The following PIGQ variants were observed in gnomAD, a reference collection of about 807,000 sequenced individuals.
PIGQ encodes the protein phosphatidylinositol N-acetylglucosaminyltransferase subunit Q.
In PIGQ, 54 loss-of-function variants were observed where a neutral mutation model predicts 60.3. The ratio of observed to expected loss-of-function variants is 0.90; its 90% confidence interval spans 0.72 to 1.12. PIGQ has a LOEUF of 1.12. Among genes scored for constraint, PIGQ ranks in the 50% most tolerant of loss-of-function variants. The pLI, the probability that PIGQ is intolerant of heterozygous loss-of-function variation, is 0.00. For synonymous variants in PIGQ, 416 were observed against 363.7 expected, an observed-to-expected ratio of 1.14 and a Z score of -1.64; for missense variants, 799 against 793.5, an observed-to-expected ratio of 1.01 and a Z score of -0.08.
chr16:571,877 T>C (rs2035635124), intron 1 of PIGQ, among the ~76,000 whole-genome samples: 3 of 147,842 alleles, frequency 2.0e-5, no homozygotes, highest in Admixed American at 1.4e-4. Flanking sequence ...CCCATCTCCT[T>C]CGGTAGACAC....
rs755373844 is a variant in PIGQ at position 579,060 on chromosome 16, G to GTCCTGTAGGCTGTACTGCC, written c.1224-7_1235dup. 4 of 1,610,672 alleles carry GTCCTGTAGGCTGTACTGCC rather than the reference G, an allele frequency of 2.5e-6. No homozygotes were observed. In the South Asian group the frequency reaches 4.4e-5, roughly 18 times the overall value. On this transcript the variant is annotated splice_polypyrimidine_tract_variant and intron_variant, in intron 6 of 10. Transcript: ENST00000321878. ...GCGGGGCCGGGCCCGACAGCACTGC[G>GTCCTGTAGGCTGTACTGCC]TCCTGTAGGCTGTACTGCCTGAAGA...
intron 4 of PIGQ, chr16:576,588 C>T (rs908746805): frequency 8.0e-6 from 4 of 502,330 alleles, no homozygotes; most frequent in African/African-American, 7.7e-5. Context: ...GCCCTCCTGG[C>T]TCTCTGGGGC....
chr16:581,396 G>A, intron 9 of PIGQ: 2 of 1,095,910 alleles, frequency 1.8e-6, no homozygotes, highest in South Asian at 4.7e-5. Context: ...AGCACAGCCT[G>A]CGCCCGTCCC....
In PIGQ at chr16:580,899, G is replaced by T; in HGVS notation, c.1458G>T (p.Leu486=). 1 of 1,604,502 alleles carries T rather than the reference G, an allele frequency of 6.2e-7. No individual in the cohort carries two copies. The change falls in exon 9 of 11, where the codon CTG becomes CTT. Residue 486 remains leucine, a synonymous_variant. Coordinates refer to ENST00000321878, the MANE Select transcript of PIGQ (RefSeq NM_004204.5). Reference sequence around the variant, plus strand: ...TCGCCGTGCAGGGCCTGATCCATCTGCTCGTGGACCTCATCAACTCCCTGC... The same window carrying T: ...TCGCCGTGCAGGGCCTGATCCATCTTCTCGTGGACCTCATCAACTCCCTGC... ...LVVAVQGLIH[L]LVDLINSLPL... is the part of the protein sequence containing the mutation.
intron 10 of PIGQ, 189 bp from the exon 11 acceptor site, chr16:582,694 T>TC (rs2035832428): frequency 7.3e-6 from 5 of 684,162 alleles, no homozygotes; most frequent in Middle Eastern, 4.2e-4. Context: ...AGCTTCTGCC[T>TC]CCCCCCAGCG....
Position 574,046 on chromosome 16 carries a change from C to T in PIGQ, c.-9-20C>T. 3 of 1,544,850 alleles carry T rather than the reference C, an allele frequency of 1.9e-6. No homozygotes were observed. The highest frequency in any genetic ancestry group is 2.6e-6 in the Non-Finnish European group (3 of 1,137,906). ...GGGGCAGCAGCAGCTCTGAGCCGAG[C>T]CTCTCCTCTTCTCTTCCAGCCTCCC... On this transcript the variant is annotated intron_variant, in intron 1 of 10. Transcript: ENST00000321878.
chr16:574,266 C>CACCT lies in PIGQ; in HGVS notation c.193_196dup (p.Trp66TyrfsTer27). On this transcript the variant is annotated frameshift_variant, in exon 2 of 11. Transcript: ENST00000321878. LOFTEE classifies it high-confidence loss of function. ...GCCAGGTGGGCGTGGCCGTGCTGGG[C>CACCT]ACCTGGTGCCACTGCCGGCAGGAGC... The CACCT allele has an allele frequency of 6.2e-7, 1 of 1,607,802 alleles. No individual in the cohort carries two copies. The highest frequency in any genetic ancestry group is 2.2e-5 in the East Asian group (1 of 44,842).
At chr16:574,858 C>T in intron 2 of PIGQ, 95 bp downstream of exon 2, 1 of 1,018,546 alleles carries the variant, frequency 9.8e-7, no homozygotes, top group Non-Finnish European at 1.4e-6. Context: ...CCCAGATGCG[C>T]TCTTCCTGGG....
intron 9 of PIGQ, chr16:581,918 C>G (rs759585742): frequency 3.0e-5 from 11 of 370,394 alleles, no homozygotes; most frequent in Non-Finnish European, 5.7e-5. Flanking sequence ...CACACGCCAT[C>G]ACACCCGGCT....
chr16:574,146 G>A lies in PIGQ; in HGVS notation c.72G>A (p.Val24=). 1 of 1,612,210 alleles carries A rather than the reference G, an allele frequency of 6.2e-7. No homozygotes were observed. The highest frequency in any genetic ancestry group is 8.5e-7 in the Non-Finnish European group (1 of 1,179,732). Residue 24 remains valine (V), a synonymous_variant, in exon 2 of 11, where the codon GTG becomes GTA. Transcript: ENST00000321878. ...GCGGGCTGCTGGTGGGACGGTGGGT[G>A]CCGGAGCAGAGCAGCGCCGTGGTCC... ...TDSGLLVGRW[V]PEQSSAVVLA... is the part of the protein sequence containing the mutation.
intron 1 of PIGQ, 81 bp from the exon 2 acceptor site, chr16:573,985 A>G: frequency 1.0e-6 from 1 of 979,954 alleles, no homozygotes; most frequent in East Asian, 2.6e-5. Flanking sequence ...TGCACCTGTC[A>G]GGCCGTCTGT....
At chr16:581,213 A>T in intron 9 of PIGQ, 4 of 1,429,262 alleles carry the variant, frequency 2.8e-6, no homozygotes, top group Non-Finnish European at 3.7e-6. Flanking sequence ...AGAACCCTGG[A>T]GACCTGAGGC....
Position 583,731 on chromosome 16 carries a change from T to TCGTCCA in PIGQ, c.*699_*704dup, listed in dbSNP as rs749419587. Reference sequence around the variant, plus strand: ...CGCCCACTGACCCAGCCGTACCTATTCGTCCACGGTGCCCCGTAGCAGCAG... The same window carrying TCGTCCA: ...CGCCCACTGACCCAGCCGTACCTATTCGTCCACGTCCACGGTGCCCCGTAGCAGCAG... On this transcript the variant is annotated 3_prime_UTR_variant, in exon 11 of 11. Coordinates refer to ENST00000321878, the MANE Select transcript of PIGQ (RefSeq NM_004204.5). 4.3e-6 allele frequency: 6 copies of TCGTCCA among 1,381,212 alleles called. No individual in the cohort carries two copies. The Admixed American group carries it at 1.0e-4, about 23-fold the overall frequency. The allele number at this position is 1,381,212 out of a possible 1,614,324, so 85.6% of individuals were successfully genotyped here. A position where few individuals can be genotyped will look rare whatever the true frequency, so the allele number is the denominator to read the frequency against.
chr16:582,216 G>T (rs748149180), intron 9 of PIGQ, 32 bp from the exon 10 acceptor site: 1 of 1,486,462 alleles, frequency 6.7e-7, no homozygotes. Flanking sequence ...GCCCCCACGC[G>T]TCCCCTCGTC....
chr16:582,100 G>A (rs1388143390), intron 9 of PIGQ, 148 bp from the exon 10 acceptor site: 2 of 704,698 alleles, frequency 2.8e-6, no homozygotes, highest in Non-Finnish European at 5.2e-6. Context: ...CCAGGAGTTG[G>A]GCGACGGAGG....
At chr16:578,726 T>A in intron 5 of PIGQ, 59 bp from the exon 6 acceptor site, 2 of 1,577,180 alleles carry the variant, frequency 1.3e-6, no homozygotes, top group Non-Finnish European at 1.7e-6. Flanking sequence ...GTGTGAGGGT[T>A]GTGCTGGGCC....
At position 571,488 on chromosome 16, in the gene PIGQ, C is replaced by CTGTGTGTGTGTGTGTG. The variant is rs71299924; in HGVS notation, c.-10+1410_-10+1425dup. Reference sequence around the variant, plus strand: ...GCTAGCCTGTGTGTGTCTGGTTAGCCTGTGTGTGTGTGTGTGTGTGTGTGT... The same window carrying CTGTGTGTGTGTGTGTG: ...GCTAGCCTGTGTGTGTCTGGTTAGCCTGTGTGTGTGTGTGTGTGTGTGTGTGTGTGTGTGTGTGTGT... On this transcript the variant is annotated intron_variant, in intron 1 of 10. Transcript: ENST00000321878. Among the ~76,000 whole-genome samples the CTGTGTGTGTGTGTGTG allele has an allele frequency of 2.9e-3, 178 of 61,822 alleles. 1 individual carries two copies. The highest frequency in any genetic ancestry group is 4.0e-3 in the South Asian group (5 of 1,250). The allele number at this position is 61,822 out of a possible 152,430, so 40.6% of individuals were successfully genotyped here. A position where few individuals can be genotyped will look rare whatever the true frequency, so the allele number is the denominator to read the frequency against.
intron 9 of PIGQ, 91 bp from the exon 10 acceptor site, chr16:582,157 G>A: frequency 1.1e-6 from 1 of 917,768 alleles, no homozygotes; most frequent in Non-Finnish European, 1.7e-6. Flanking sequence ...GCACCCGGGT[G>A]CCCCTCAGAG....
intron 7 of PIGQ, 54 bp downstream of exon 7, chr16:579,234 C>G (rs945183729): frequency 2.8e-6 from 4 of 1,450,908 alleles, no homozygotes; most frequent in Non-Finnish European, 3.9e-6. Context: ...CCTGTGCCCG[C>G]TGGGCCAGCG....
Sources: gnomAD v4.1 joint callset for allele counts (sites outside exome capture counted in the v4.1 genomes callset) on GRCh38, gnomAD v4.1.1 for gene constraint, MANE v1.5 for transcripts, NCBI Gene and HGNC (gene_info 2026-07-23, HGNC 2026-07-21) for gene names.